Variants in BTRC observed in about 807,000 individuals in gnomAD.
BTRC encodes F-box/WD repeat-containing protein 1A.
Under a neutral mutation model 85.5 loss-of-function variants are expected in BTRC, and 42 were observed. The observed-to-expected ratio is 0.49, with a 90% CI of 0.38 to 0.64. The LOEUF (loss-of-function observed/expected upper bound fraction) is 0.64, where lower values mean the gene tolerates loss of function less well. Among genes scored for constraint, BTRC ranks in the 30% least tolerant of loss-of-function variants. The pLI, the probability that BTRC is intolerant of heterozygous loss-of-function variation, is 0.00. For synonymous variants in BTRC, 255 were observed against 263.3 expected, an observed-to-expected ratio of 0.97 and a Z score of 0.30; for missense variants, 594 against 743.5, an observed-to-expected ratio of 0.80 and a Z score of 2.34.
intron 4 of BTRC, among the ~76,000 whole-genome samples, chr10:101,516,076 T>C (rs1221199740): frequency 6.6e-6 from 1 of 152,166 alleles, no homozygotes; most frequent in Non-Finnish European, 1.5e-5. Context: ...ATTTATGTTA[T>C]ACTTTAATGA....
intron 4 of BTRC, among the ~76,000 whole-genome samples, chr10:101,487,989 A>G (rs752306694): frequency 1.2e-4 from 18 of 152,214 alleles, no homozygotes; most frequent in Non-Finnish European, 2.2e-4. Context: ...TATATTAATA[A>G]TCTATAGACT....
intron 3 of BTRC, among the ~76,000 whole-genome samples, chr10:101,478,138 A>G (rs1945738053): frequency 6.6e-6 from 1 of 151,868 alleles, no homozygotes; most frequent in Non-Finnish European, 1.5e-5. Context: ...CATCTCTACT[A>G]AAAATACAAA....
intron 4 of BTRC, among the ~76,000 whole-genome samples, chr10:101,503,636 C>T (rs887836644): frequency 1.6e-4 from 24 of 152,192 alleles, no homozygotes; most frequent in African/African-American, 4.8e-4. Context: ...TCATTTACTT[C>T]ATTCACTGCA....
chr10:101,515,411 A>G (rs748631344), intron 4 of BTRC, among the ~76,000 whole-genome samples: 1 of 152,142 alleles, frequency 6.6e-6, no homozygotes. Flanking sequence ...AATAGATCCA[A>G]TTTCTGAATA....
intron 9 of BTRC, among the ~76,000 whole-genome samples, chr10:101,533,613 C>G (rs1019643618): frequency 1.7e-4 from 26 of 152,044 alleles, no homozygotes; most frequent in Non-Finnish European, 3.7e-4. Flanking sequence ...AGCTTGAGTT[C>G]TGGGTACCAG....
At chr10:101,531,743 A>C (rs2062284960) in intron 7 of BTRC, among the ~76,000 whole-genome samples, 6 of 152,182 alleles carry the variant, frequency 3.9e-5, no homozygotes, top group Non-Finnish European at 1.5e-5. Flanking sequence ...GGAAAAGAAA[A>C]TCAATCTCTT....
At chr10:101,528,979 A>G (rs1180734015) in intron 6 of BTRC, among the ~76,000 whole-genome samples, 1 of 152,234 alleles carries the variant, frequency 6.6e-6, no homozygotes, top group Non-Finnish European at 1.5e-5. Context: ...TCTCTCTTGA[A>G]TAATACTGAA....
chr10:101,507,906 G>A (rs549189033), intron 4 of BTRC, among the ~76,000 whole-genome samples: 105 of 152,144 alleles, frequency 6.9e-4, no homozygotes, highest in African/African-American at 2.4e-3. Context: ...ACATCAGTGG[G>A]TTTACCAGCC....
At chr10:101,472,460 C>G (rs1945558202) in intron 3 of BTRC, among the ~76,000 whole-genome samples, 2 of 152,008 alleles carry the variant, frequency 1.3e-5, no homozygotes, top group South Asian at 4.1e-4. Flanking sequence ...ATGAGCCACC[C>G]CACCCCTTTC....
intron 4 of BTRC, among the ~76,000 whole-genome samples, chr10:101,500,592 CA>C (rs887656347): frequency 6.6e-6 from 1 of 151,982 alleles, no homozygotes; most frequent in African/African-American, 2.4e-5. Flanking sequence ...GGGTAATTAT[CA>C]GAAGAGTTGA....
chr10:101,476,337 T>G (rs1198521672), intron 3 of BTRC, among the ~76,000 whole-genome samples: 1 of 152,186 alleles, frequency 6.6e-6, no homozygotes, highest in Non-Finnish European at 1.5e-5. Flanking sequence ...GAAAAACTGG[T>G]GAAACCTGAG....
intron 4 of BTRC, among the ~76,000 whole-genome samples, chr10:101,495,543 G>A (rs1371384226): frequency 6.6e-6 from 1 of 152,220 alleles, no homozygotes; most frequent in Non-Finnish European, 1.5e-5. Context: ...CTCTAACCTT[G>A]TTCAGAGTGG....
intron 1 of BTRC, among the ~76,000 whole-genome samples, chr10:101,357,517 A>G (rs868614200): frequency 1.3e-5 from 2 of 151,708 alleles, no homozygotes; most frequent in Non-Finnish European, 2.9e-5. Flanking sequence ...TGGAAGAACT[A>G]TCCTTTTAAT....
chr10:101,548,975 C>T (rs1386917927), intron 13 of BTRC, among the ~76,000 whole-genome samples: 17 of 151,602 alleles, frequency 1.1e-4, no homozygotes, highest in Non-Finnish European at 2.5e-4. Flanking sequence ...ATCGCTTGAA[C>T]CCAGGAGGCG....
At position 101,427,119 on chromosome 10, in the gene BTRC, T is replaced by C. The variant is rs546257657; in HGVS notation, c.49-3226T>C. On this transcript the variant is annotated intron_variant, in intron 1 of 14. Coordinates refer to ENST00000370187, the MANE Select transcript of BTRC (RefSeq NM_033637.4). ...TTCCATTTCTTTTTTCTTTCTTTTT[T>C]TTTTTTTTTTTTTTTTTGAGACGGA... Among the ~76,000 whole-genome samples the C allele has an allele frequency of 6.5e-4, 40 of 61,742 alleles. No individual in the cohort carries two copies. The South Asian group carries it at 0.016, about 24-fold the overall frequency. 40.5% of individuals were successfully genotyped at this position (61,742 alleles called of 152,430 possible). A position where few individuals can be genotyped will look rare whatever the true frequency, so the allele number is the denominator to read the frequency against.
At chr10:101,491,506 C>A (rs1377192367) in intron 4 of BTRC, among the ~76,000 whole-genome samples, 1 of 152,048 alleles carries the variant, frequency 6.6e-6, no homozygotes, top group African/African-American at 2.4e-5. Flanking sequence ...ACCAGCCTGG[C>A]CAATGTGCTG....
intron 1 of BTRC, among the ~76,000 whole-genome samples, chr10:101,409,514 G>A (rs1279781751): frequency 1.3e-5 from 2 of 152,114 alleles, no homozygotes; most frequent in Admixed American, 1.3e-4. Context: ...TTGTGTGAAC[G>A]TCATCTAGTG....
At chr10:101,457,726 A>G (rs1047785112) in intron 2 of BTRC, among the ~76,000 whole-genome samples, 1 of 152,210 alleles carries the variant, frequency 6.6e-6, no homozygotes, top group Non-Finnish European at 1.5e-5. Flanking sequence ...GCAGTAGAAT[A>G]TAACGTTAAT....
chr10:101,413,250 T>A (rs1389087862), intron 1 of BTRC, among the ~76,000 whole-genome samples: 1 of 152,002 alleles, frequency 6.6e-6, no homozygotes, highest in East Asian at 1.9e-4. Flanking sequence ...TTCAGGCAAT[T>A]CTCCTGCCTC....
Sources: gnomAD v4.1 joint callset for allele counts (sites outside exome capture counted in the v4.1 genomes callset) on GRCh38, gnomAD v4.1.1 for gene constraint, MANE v1.5 for transcripts, NCBI Gene and HGNC (gene_info 2026-07-23, HGNC 2026-07-21) for gene names.